Variants in FAM13A observed in about 807,000 individuals in gnomAD.
FAM13A encodes protein FAM13A.
FAM13A carries 76 observed loss-of-function variants against 129.6 expected under a neutral mutation model. That is an observed-to-expected ratio of 0.59 (90% confidence interval 0.49 to 0.71). The LOEUF is 0.71. Among genes scored for constraint, FAM13A ranks in the 30% least tolerant of loss-of-function variants. The pLI, the probability that FAM13A is intolerant of heterozygous loss-of-function variation, is 0.00. For missense variants in FAM13A, 1,108 were observed against 1,249.3 expected (o/e 0.89, Z 1.70); for synonymous variants, 443 against 449.9 (o/e 0.98, Z 0.20).
intron 1 of FAM13A, among the ~76,000 whole-genome samples, chr4:89,043,568 C>T (rs1037530872): frequency 6.6e-6 from 1 of 152,070 alleles, no homozygotes; most frequent in East Asian, 1.9e-4. Context: ...GGATCATGGA[C>T]AGCATTTATA....
At chr4:88,884,240 A>G (rs1185698770) in intron 6 of FAM13A, among the ~76,000 whole-genome samples, 3 of 152,198 alleles carry the variant, frequency 2.0e-5, no homozygotes, top group Non-Finnish European at 4.4e-5. Context: ...TCCCTGATGA[A>G]CACAGATGCA....
At chr4:88,816,758 A>G (rs960882455) in intron 7 of FAM13A, among the ~76,000 whole-genome samples, 3 of 152,208 alleles carry the variant, frequency 2.0e-5, no homozygotes, top group Non-Finnish European at 4.4e-5. Flanking sequence ...ACATGTGTGT[A>G]GAGTGTTTTC....
intron 7 of FAM13A, among the ~76,000 whole-genome samples, chr4:88,842,951 C>T (rs1391764255): frequency 4.6e-5 from 7 of 152,024 alleles, no homozygotes; most frequent in Non-Finnish European, 1.0e-4. Context: ...AGAGAAATAT[C>T]GGAGACTTTC....
chr4:89,027,284 G>C (rs965012425), intron 2 of FAM13A, among the ~76,000 whole-genome samples: 1 of 152,168 alleles, frequency 6.6e-6, no homozygotes, highest in African/African-American at 2.4e-5. Flanking sequence ...TGAGGTGGAA[G>C]GATTGTTTAA....
At chr4:88,913,502 GGAAGAGGAA>G (rs1749534459) in intron 5 of FAM13A, among the ~76,000 whole-genome samples, 1 of 139,416 alleles carries the variant, frequency 7.2e-6, no homozygotes, top group Non-Finnish European at 1.5e-5. Context: ...AGGAGGAAGA[GGAAGAGGAA>G]GAAGAGGAGG....
chr4:88,897,301 G>A (rs1269609595), intron 6 of FAM13A, among the ~76,000 whole-genome samples: 4 of 152,200 alleles, frequency 2.6e-5, no homozygotes, highest in East Asian at 1.9e-4. Flanking sequence ...AGCTACACGA[G>A]TAAGTCCTTG....
chr4:88,982,073 A>C (rs1178404167), intron 4 of FAM13A, among the ~76,000 whole-genome samples: 1 of 152,248 alleles, frequency 6.6e-6, no homozygotes, highest in Non-Finnish European at 1.5e-5. Context: ...GCCTGGTGGA[A>C]GCAGATTGGT....
intron 7 of FAM13A, among the ~76,000 whole-genome samples, chr4:88,831,070 A>G (rs1578859663): frequency 1.3e-5 from 2 of 152,258 alleles, no homozygotes; most frequent in African/African-American, 4.8e-5. Flanking sequence ...AATTTTCGAG[A>G]CAACTTATGT....
At chr4:89,025,084 AT>A (rs1396194273) in intron 2 of FAM13A, among the ~76,000 whole-genome samples, 1 of 152,122 alleles carries the variant, frequency 6.6e-6, no homozygotes, top group Non-Finnish European at 1.5e-5. Flanking sequence ...AAATTTTCAT[AT>A]GTTGATGGTG....
intron 6 of FAM13A, among the ~76,000 whole-genome samples, chr4:88,884,013 C>T (rs1744019162): frequency 1.3e-5 from 2 of 151,566 alleles, no homozygotes; most frequent in Admixed American, 1.3e-4. Context: ...GATTGAAATG[C>T]TAATTAAAAA....
At chr4:89,008,576 C>G (rs139146151) in intron 3 of FAM13A, among the ~76,000 whole-genome samples, 1 of 152,276 alleles carries the variant, frequency 6.6e-6, no homozygotes, top group African/African-American at 2.4e-5. Flanking sequence ...TTAATACAAG[C>G]AGTATAAAAT....
At chr4:88,793,909 T>C (rs1183262229) in intron 8 of FAM13A, among the ~76,000 whole-genome samples, 1 of 151,962 alleles carries the variant, frequency 6.6e-6, no homozygotes, top group Non-Finnish European at 1.5e-5. Flanking sequence ...AATTCACCCT[T>C]AACAAAATTT....
chr4:88,781,825 G>C (rs142369459), intron 10 of FAM13A, among the ~76,000 whole-genome samples: 8,856 of 148,676 alleles, frequency 0.06, 345 homozygotes, highest in Non-Finnish European at 0.07. Flanking sequence ...GAACATCACA[G>C]TCCGGAGACT....
At chr4:88,797,636 T>C (rs1019071010) in intron 8 of FAM13A, among the ~76,000 whole-genome samples, 5 of 152,136 alleles carry the variant, frequency 3.3e-5, no homozygotes, top group Admixed American at 6.6e-5. Context: ...TCTTTTATCA[T>C]GTATTTGACT....
At chr4:88,752,169 G>A (rs529240734) in intron 14 of FAM13A, among the ~76,000 whole-genome samples, 2 of 152,094 alleles carry the variant, frequency 1.3e-5, no homozygotes, top group Non-Finnish European at 1.5e-5. Flanking sequence ...AGATATGTGC[G>A]CCTCACACAC....
chr4:89,000,348 G>A (rs1283456357), intron 3 of FAM13A, among the ~76,000 whole-genome samples: 1 of 152,100 alleles, frequency 6.6e-6, no homozygotes, highest in Non-Finnish European at 1.5e-5. Context: ...CCAGCCATAG[G>A]AATGCAGTAC....
At chr4:88,825,397 A>G (rs754954851) in intron 7 of FAM13A, among the ~76,000 whole-genome samples, 7 of 151,744 alleles carry the variant, frequency 4.6e-5, no homozygotes, top group Non-Finnish European at 1.0e-4. Context: ...TTGTATTTTT[A>G]GTAGAGATGG....
chr4:88,906,356 C>A lies in FAM13A; in HGVS notation c.843+23G>T, dbSNP rs745837227. ...CCATGCTAAAGATTTCACATGGTCG[C>A]CTACAGAGAAAACATAGTTTACCTT... is the stretch of plus-strand genomic sequence containing the variant. On this transcript the variant is annotated intron_variant, in intron 6 of 23. Transcript: ENST00000264344. 3 of 1,453,604 alleles carry A rather than the reference C, an allele frequency of 2.1e-6. No individual in the cohort carries two copies. In the Admixed American group the frequency reaches 5.4e-5, roughly 26 times the overall value. The allele number at this position is 1,453,604 out of a possible 1,614,324, so 90.0% of individuals were successfully genotyped here.
At chr4:89,044,216 T>C (rs1770542735) in intron 1 of FAM13A, among the ~76,000 whole-genome samples, 1 of 152,044 alleles carries the variant, frequency 6.6e-6, no homozygotes, top group Non-Finnish European at 1.5e-5. Context: ...TGTAAAGAAT[T>C]GCAACAATTC....
Sources: gnomAD v4.1 joint callset for allele counts (sites outside exome capture counted in the v4.1 genomes callset) on GRCh38, gnomAD v4.1.1 for gene constraint, MANE v1.5 for transcripts, NCBI Gene and HGNC (gene_info 2026-07-23, HGNC 2026-07-21) for gene names.